Variants in ERCC6 observed in about 807,000 individuals in gnomAD.
The protein encoded by ERCC6 is ERCC excision repair 6, chromatin remodeling factor.
A neutral mutation model predicts 158.7 loss-of-function variants in ERCC6; 116 were observed. That is an observed-to-expected ratio of 0.73 (90% CI 0.63 to 0.85). The LOEUF (loss-of-function observed/expected upper bound fraction) is 0.85. ERCC6 is among the 40% of genes least tolerant of loss of function. The probability of loss-of-function intolerance (pLI) is 0.00; values close to 1 mark genes in which losing one functional copy is unlikely to be tolerated. For missense variants in ERCC6, 1,698 were observed against 1,799.4 expected, an observed-to-expected ratio of 0.94 and a Z score of 1.02; for synonymous variants, 678 against 659.3, an observed-to-expected ratio of 1.03 and a Z score of -0.43.
intron 9 of ERCC6, among the ~76,000 whole-genome samples, chr10:49,483,115 T>C (rs911728346): frequency 6.6e-6 from 1 of 152,198 alleles, no homozygotes. Context: ...GGTTACATTC[T>C]AACAACTGGC....
Position 49,532,851 on chromosome 10 carries a change from A to C in ERCC6, c.114T>G (p.Asp38Glu), listed in dbSNP as rs147838944. The change falls in exon 2 of 21, where the codon GAT becomes GAG. Residue 38 changes from aspartate to glutamate, a missense_variant. Asp to Glu is a conservative substitution (Grantham distance 45). Coordinates refer to ENST00000355832, the MANE Select transcript of ERCC6 (RefSeq NM_000124.4). ...EMAIKQESGG[D>E]GEVEEYLSFR... is the part of the protein sequence containing the mutation. ...AGGAGAGGTACTCCTCCACCTCCCC[A>C]TCACCACCACTTTCTTGCTTGATTG... is the stretch of plus-strand genomic sequence containing the variant. The C allele has an allele frequency of 1.4e-5, 22 of 1,614,154 alleles. No individual in the cohort carries two copies. Among genetic ancestry groups the C allele is most frequent in the African/African-American group, 2.7e-5 (2 of 75,038 alleles).
chr10:49,523,397 CA>C lies in ERCC6; in HGVS notation c.1397+635del, dbSNP rs539334543. ...TCCCTTTTATGGTGCTTGCTTTATACAATGACAATGTCATGGAGCTAAAAGC... is the reference window on the plus strand; with the variant it reads ...TCCCTTTTATGGTGCTTGCTTTATACATGACAATGTCATGGAGCTAAAAGC... On this transcript the variant is annotated intron_variant, in intron 5 of 20. Transcript: ENST00000355832. Among the ~76,000 whole-genome samples the C allele has an allele frequency of 2.0e-5, 3 of 152,308 alleles. No individual in the cohort carries two copies. The East Asian group carries it at 5.8e-4, about 29-fold the overall frequency.
At chr10:49,460,068 T>C (rs1170801088) in intron 20 of ERCC6, 3 of 452,406 alleles carry the variant, frequency 6.6e-6, no homozygotes, top group East Asian at 4.6e-5. Context: ...TCTCTGGAGC[T>C]GGCACTTTCC....
the ERCC6 span, among the ~76,000 whole-genome samples, chr10:49,437,022 A>G: frequency 0.89 from 134,825 of 152,224 alleles, 59,755 homozygotes; most frequent in East Asian, 1. Context: ...TGTTGTGGGA[A>G]GCACCCGGTG....
At chr10:49,482,898 T>A (rs1194814517) in intron 9 of ERCC6, 35 bp from the exon 10 acceptor site, 22 of 1,612,794 alleles carry the variant, frequency 1.4e-5, no homozygotes, top group Non-Finnish European at 1.8e-5. Context: ...TTTATTAAAT[T>A]TACCTTTTAG....
chr10:49,453,991 T>C (rs1220010083), downstream of ERCC6, among the ~76,000 whole-genome samples: 1 of 152,204 alleles, frequency 6.6e-6, no homozygotes, highest in East Asian at 1.9e-4. Flanking sequence ...TTCCTAGATG[T>C]TTTTCAATCA....
intron 1 of ERCC6, among the ~76,000 whole-genome samples, chr10:49,537,342 C>CA (rs368235215): frequency 0.37 from 31,514 of 86,276 alleles, 4,930 homozygotes; most frequent in East Asian, 0.64. Context: ...GACTCCGTCT[C>CA]AAAAAAAAAA....
At chr10:49,471,484 A>G (rs1850780210) in intron 16 of ERCC6, among the ~76,000 whole-genome samples, 1 of 151,858 alleles carries the variant, frequency 6.6e-6, no homozygotes, top group South Asian at 2.1e-4. Flanking sequence ...GAACCTTCCT[A>G]TCATAGGGCT....
At chr10:49,490,498 G>A (rs1040177819) in intron 8 of ERCC6, among the ~76,000 whole-genome samples, 1 of 152,018 alleles carries the variant, frequency 6.6e-6, no homozygotes, top group African/African-American at 2.4e-5. Flanking sequence ...AGGACTATAG[G>A]CGTGTGCCAC....
At chr10:49,489,033 T>A (rs943425893) in intron 8 of ERCC6, among the ~76,000 whole-genome samples, 2 of 152,194 alleles carry the variant, frequency 1.3e-5, no homozygotes, top group Non-Finnish European at 2.9e-5. Flanking sequence ...TCCGCCGGCC[T>A]CAGCCTCCCA....
intron 5 of ERCC6, among the ~76,000 whole-genome samples, chr10:49,519,685 G>C (rs895089396): frequency 6.6e-6 from 1 of 152,196 alleles, no homozygotes; most frequent in Non-Finnish European, 1.5e-5. Context: ...TTTGCTGAGT[G>C]TGGGCCATAG....
chr10:49,510,916 C>T (rs1034836782), intron 5 of ERCC6, among the ~76,000 whole-genome samples: 1 of 151,310 alleles, frequency 6.6e-6, no homozygotes, highest in Non-Finnish European at 1.5e-5. Flanking sequence ...TAGCTCTGTC[C>T]ACTGGATAAA....
At chr10:49,497,491 T>C (rs1851286517) in intron 7 of ERCC6, among the ~76,000 whole-genome samples, 1 of 152,256 alleles carries the variant, frequency 6.6e-6, no homozygotes, top group Non-Finnish European at 1.5e-5. Flanking sequence ...CTAAGGCTAG[T>C]ATATTCTTCT....
At chr10:49,484,145 G>A (rs958897092) in intron 8 of ERCC6, among the ~76,000 whole-genome samples, 1 of 151,878 alleles carries the variant, frequency 6.6e-6, no homozygotes, top group Admixed American at 6.6e-5. Context: ...GCTGGATGTG[G>A]TGCCAAGCAC....
intron 18 of ERCC6, among the ~76,000 whole-genome samples, chr10:49,468,914 TCCCACCC>T (rs1850723737): frequency 6.6e-6 from 1 of 151,904 alleles, no homozygotes; most frequent in Non-Finnish European, 1.5e-5. Context: ...TTGAAGGAGC[TCCCACCC>T]ATGAGGCAAA....
chr10:49,459,025 G>A lies in ERCC6; in HGVS notation c.4272C>T (p.His1424=), dbSNP rs759104524. 22 of 1,614,192 alleles carry A rather than the reference G, an allele frequency of 1.4e-5. No homozygotes were observed. The highest frequency in any genetic ancestry group is 1.6e-4 in the Middle Eastern group (1 of 6,062). Residue 1424 remains histidine (H), a synonymous_variant, in exon 21 of 21, where the codon CAC becomes CAT. Coordinates refer to ENST00000355832, the MANE Select transcript of ERCC6 (RefSeq NM_000124.4). ...EASALLPTTE[H]DDLLVEMRNF... is the part of the protein sequence containing the mutation. Reference sequence around the variant, plus strand: ...TTCTCATCTCCACCAGAAGGTCATCGTGTTCTGTGGTGGGCAGCAGGGCAG... The same window carrying A: ...TTCTCATCTCCACCAGAAGGTCATCATGTTCTGTGGTGGGCAGCAGGGCAG...
In ERCC6 at chr10:49,532,861, C is replaced by CT; in HGVS notation, c.103dup (p.Ser35LysfsTer4). On this transcript the variant is annotated frameshift_variant, in exon 2 of 21. Transcript: ENST00000355832. LOFTEE classifies it high-confidence loss of function. ...CTCCTCCACCTCCCCATCACCACCACTTTCTTGCTTGATTGCCATTTCTTC... is the reference window on the plus strand; with the variant it reads ...CTCCTCCACCTCCCCATCACCACCACTTTTCTTGCTTGATTGCCATTTCTTC... 6.2e-7 allele frequency: 1 copy of CT among 1,614,252 alleles called. No individual in the cohort carries two copies. The highest frequency in any genetic ancestry group is 8.5e-7 in the Non-Finnish European group (1 of 1,180,054).
chr10:49,537,423 T>C (rs79859389), intron 1 of ERCC6, among the ~76,000 whole-genome samples: 2,194 of 151,058 alleles, frequency 0.015, 48 homozygotes, highest in African/African-American at 0.049. Context: ...GGCAATGTAC[T>C]AGGTTAACTA....
chr10:49,469,447 A>C (rs531774879), intron 18 of ERCC6, among the ~76,000 whole-genome samples: 13 of 152,368 alleles, frequency 8.5e-5, no homozygotes, highest in Admixed American at 8.5e-4. Flanking sequence ...TTAATAACTT[A>C]GATAAAGGAT....
Sources: allele counts gnomAD v4.1 joint callset (sites outside exome capture counted in the v4.1 genomes callset), GRCh38; gene constraint gnomAD v4.1.1; transcripts MANE v1.5; gene names NCBI Gene and HGNC (gene_info 2026-07-23, HGNC 2026-07-21).